The following MYO3B variants were observed in gnomAD, a reference collection of about 807,000 sequenced individuals.
MYO3B encodes the protein myosin-IIIb.
Under a neutral mutation model 174.6 loss-of-function variants are expected in MYO3B, and 156 were observed. The observed-to-expected ratio is 0.89, with a 90% CI of 0.78 to 1.02. The LOEUF (loss-of-function observed/expected upper bound fraction) is 1.02. MYO3B is among the 50% of genes least tolerant of loss of function. The pLI is 0.00. For synonymous variants in MYO3B, 563 were observed against 569.1 expected, an observed-to-expected ratio of 0.99 and a Z score of 0.15; for missense variants, 1,632 against 1,639.4, an observed-to-expected ratio of 1.00 and a Z score of 0.08.
At chr2:170,465,875 G>A (rs1343106639) in intron 24 of MYO3B, among the ~76,000 whole-genome samples, 1 of 152,148 alleles carries the variant, frequency 6.6e-6, no homozygotes, top group Non-Finnish European at 1.5e-5. Context: ...AGCAGTGGAT[G>A]CCCCTGAGGA....
intron 25 of MYO3B, among the ~76,000 whole-genome samples, chr2:170,490,582 AG>A (rs766937434): frequency 5.8e-4 from 88 of 151,950 alleles, no homozygotes; most frequent in Non-Finnish European, 8.1e-4. Flanking sequence ...AATGTTGAAT[AG>A]GAGTGATGAG....
At chr2:170,583,630 GC>G (rs751683200) in intron 32 of MYO3B, among the ~76,000 whole-genome samples, 4 of 152,112 alleles carry the variant, frequency 2.6e-5, no homozygotes, top group Non-Finnish European at 5.9e-5. Flanking sequence ...TATTTCTTGA[GC>G]ACTTTATTCT....
intron 7 of MYO3B, among the ~76,000 whole-genome samples, chr2:170,294,552 T>C: frequency 6.6e-6 from 1 of 152,076 alleles, no homozygotes. Context: ...TTATTAAAAA[T>C]TTGTGATCCA....
At chr2:170,469,113 G>A (rs1023291936) in intron 25 of MYO3B, among the ~76,000 whole-genome samples, 1 of 152,168 alleles carries the variant, frequency 6.6e-6, no homozygotes, top group African/African-American at 2.4e-5. Context: ...TCCAGCCAGG[G>A]CGACGGAGTG....
rs773785334 is a variant in MYO3B at position 170,279,265 on chromosome 2, C to G, written c.749+43129C>G. On this transcript the variant is annotated intron_variant, in intron 7 of 34. Coordinates refer to ENST00000408978, the MANE Select transcript of MYO3B (RefSeq NM_138995.5). ...TTCCCATCAATAGTGTATGAAAGTT[C>G]CCTTTTATCTGCGTCCTTGCCAGCA... Among the ~76,000 whole-genome samples, 3 of 152,142 alleles carry G rather than the reference C, an allele frequency of 2.0e-5. No homozygotes were observed. The East Asian group carries it at 5.8e-4, about 29-fold the overall frequency.
chr2:170,543,098 A>T, intron 31 of MYO3B, 132 bp downstream of exon 31: 1 of 701,370 alleles, frequency 1.4e-6, no homozygotes, highest in Non-Finnish European at 2.4e-6. Context: ...GATATTTTGA[A>T]GTCTTTGAGA....
chr2:170,541,924 A>G (rs1237196728), intron 30 of MYO3B, among the ~76,000 whole-genome samples: 1 of 152,188 alleles, frequency 6.6e-6, no homozygotes, highest in African/African-American at 2.4e-5. Flanking sequence ...ATATATTTTG[A>G]AGGTAATATC....
intron 22 of MYO3B, among the ~76,000 whole-genome samples, chr2:170,411,392 C>T (rs56363725): frequency 0.16 from 24,116 of 152,112 alleles, 2,171 homozygotes; most frequent in East Asian, 0.34. Flanking sequence ...CTACTGTTCT[C>T]GGGCTGTAAA....
intron 3 of MYO3B, among the ~76,000 whole-genome samples, chr2:170,209,761 AATTATGATGATAGCATAT>A: frequency 6.6e-6 from 1 of 152,358 alleles, no homozygotes; most frequent in South Asian, 2.1e-4. Context: ...TAACAACCTT[AATTATGATGATAGCATAT>A]ACATTAGACA....
rs771537663 is a variant in MYO3B at position 170,392,386 on chromosome 2, T to A, written c.1682T>A (p.Ile561Lys). The A allele has an allele frequency of 6.3e-7, 1 of 1,597,638 alleles. No individual in the cohort carries two copies. ...RLPEEKPPRYIADETGRVMHD... is the reference protein window; with the variant it reads ...RLPEEKPPRYKADETGRVMHD... Reference sequence around the variant, plus strand: ...TCATGCTCCACTTCATTTAGGTACATAGCTGATGAAACTGGAAGGGTGATG... The same window carrying A: ...TCATGCTCCACTTCATTTAGGTACAAAGCTGATGAAACTGGAAGGGTGATG... The change falls in exon 16 of 35, where the codon ATA (isoleucine) becomes AAA (lysine). Residue 561 changes from isoleucine to lysine, a missense_variant. Coordinates refer to ENST00000408978, the MANE Select transcript of MYO3B (RefSeq NM_138995.5).
At chr2:170,399,946 C>T (rs527888720) in intron 16 of MYO3B, among the ~76,000 whole-genome samples, 1 of 152,326 alleles carries the variant, frequency 6.6e-6, no homozygotes, top group East Asian at 1.9e-4. Flanking sequence ...GTGGAGGAGG[C>T]ATGCTCATGC....
chr2:170,628,490 C>G (rs1659329199), intron 32 of MYO3B, among the ~76,000 whole-genome samples: 1 of 152,232 alleles, frequency 6.6e-6, no homozygotes, highest in Non-Finnish European at 1.5e-5. Context: ...ACCCCTTGTG[C>G]TTCCTGGATG....
chr2:170,297,881 A>G (rs892459995), intron 7 of MYO3B, among the ~76,000 whole-genome samples: 2 of 152,204 alleles, frequency 1.3e-5, no homozygotes, highest in Admixed American at 6.5e-5. Flanking sequence ...CAAATGTACC[A>G]TTAGCAATTA....
At chr2:170,510,141 A>G (rs1479741230) in intron 28 of MYO3B, among the ~76,000 whole-genome samples, 5 of 152,204 alleles carry the variant, frequency 3.3e-5, no homozygotes, top group Non-Finnish European at 7.3e-5. Flanking sequence ...GCTTAGTGTC[A>G]AAACCAGCTA....
chr2:170,329,709 C>T (rs2093898345), intron 7 of MYO3B, among the ~76,000 whole-genome samples: 1 of 151,954 alleles, frequency 6.6e-6, no homozygotes, highest in Non-Finnish European at 1.5e-5. Context: ...ATGTTTCTTA[C>T]ACTTAGATGA....
chr2:170,422,842 A>G (rs2094627501), intron 22 of MYO3B, among the ~76,000 whole-genome samples: 1 of 152,268 alleles, frequency 6.6e-6, no homozygotes. Flanking sequence ...TCATATATCA[A>G]AAGTATTATT....
chr2:170,269,882 G>A (rs2093413749), intron 7 of MYO3B, among the ~76,000 whole-genome samples: 1 of 152,198 alleles, frequency 6.6e-6, no homozygotes, highest in Non-Finnish European at 1.5e-5. Flanking sequence ...GCTTCCCAGA[G>A]TTTCTGATTC....
intron 7 of MYO3B, among the ~76,000 whole-genome samples, chr2:170,322,371 T>G (rs2093834722): frequency 6.6e-6 from 1 of 152,174 alleles, no homozygotes; most frequent in African/African-American, 2.4e-5. Flanking sequence ...AAAATAAATG[T>G]GTGCTTGCTC....
intron 7 of MYO3B, among the ~76,000 whole-genome samples, chr2:170,248,615 C>T (rs1387163205): frequency 6.6e-6 from 1 of 152,128 alleles, no homozygotes; most frequent in Non-Finnish European, 1.5e-5. Context: ...GCCTGGATTT[C>T]TTGACTTGTG....
Sources: allele counts gnomAD v4.1 joint callset (sites outside exome capture counted in the v4.1 genomes callset), GRCh38; gene constraint gnomAD v4.1.1; transcripts MANE v1.5; gene names NCBI Gene and HGNC (gene_info 2026-07-23, HGNC 2026-07-21).